ATE1: variants seen among roughly 807,000 people sequenced by gnomAD.
The protein encoded by ATE1 is arginyl-tRNA--protein transferase 1.
Under a neutral mutation model 70.5 loss-of-function variants are expected in ATE1, and 36 were observed. That is an observed-to-expected ratio of 0.51 (90% CI 0.39 to 0.67). The LOEUF is 0.67. Among genes scored for constraint, ATE1 ranks in the 30% least tolerant of loss-of-function variants. The pLI is 0.00. For synonymous variants in ATE1, 232 were observed against 219.3 expected, an observed-to-expected ratio of 1.06 and a Z score of -0.51; for missense variants, 593 against 629.5, an observed-to-expected ratio of 0.94 and a Z score of 0.62.
At chr10:121,861,673 G>A (rs976220701) in intron 8 of ATE1, among the ~76,000 whole-genome samples, 10 of 149,316 alleles carry the variant, frequency 6.7e-5, no homozygotes, top group Non-Finnish European at 1.0e-4. Context: ...TGGGTGCAGC[G>A]CACCAGCATG....
chr10:121,760,998 G>A (rs1945016152), intron 11 of ATE1, among the ~76,000 whole-genome samples: 2 of 152,222 alleles, frequency 1.3e-5, no homozygotes, highest in Admixed American at 1.3e-4. Flanking sequence ...CTCATTAACA[G>A]ATTAATGACC....
At chr10:121,815,643 T>C (rs1947511630) in intron 10 of ATE1, among the ~76,000 whole-genome samples, 1 of 152,206 alleles carries the variant, frequency 6.6e-6, no homozygotes, top group Non-Finnish European at 1.5e-5. Flanking sequence ...GAAACTTCTC[T>C]CTGGTGTGTC....
At chr10:121,779,114 G>A (rs993820717) in intron 11 of ATE1, among the ~76,000 whole-genome samples, 4 of 152,070 alleles carry the variant, frequency 2.6e-5, no homozygotes, top group Admixed American at 6.5e-5. Flanking sequence ...TTCTCATAGA[G>A]ACCTCCAATT....
intron 9 of ATE1, among the ~76,000 whole-genome samples, chr10:121,838,024 C>T (rs1488346633): frequency 6.6e-6 from 1 of 152,072 alleles, no homozygotes; most frequent in African/African-American, 2.4e-5. Flanking sequence ...GTCTTTTGGG[C>T]TTTCTCTCTA....
chr10:121,771,322 G>A (rs1273836230), intron 11 of ATE1, among the ~76,000 whole-genome samples: 2 of 152,154 alleles, frequency 1.3e-5, no homozygotes, highest in Non-Finnish European at 2.9e-5. Flanking sequence ...ACCCGCCTTG[G>A]CCTCCCAAAG....
At chr10:121,918,730 T>C (rs1350194687) in intron 3 of ATE1, among the ~76,000 whole-genome samples, 1 of 149,480 alleles carries the variant, frequency 6.7e-6, no homozygotes, top group Non-Finnish European at 1.5e-5. Flanking sequence ...CTTTGTGTAA[T>C]GACACAGTGT....
At chr10:121,836,505 T>C (rs533049361) in intron 10 of ATE1, among the ~76,000 whole-genome samples, 1 of 152,290 alleles carries the variant, frequency 6.6e-6, no homozygotes, top group East Asian at 1.9e-4. Context: ...TTCTGAAATA[T>C]ACTTAAATCT....
At chr10:121,761,456 T>C (rs1425548408) in intron 11 of ATE1, among the ~76,000 whole-genome samples, 1 of 88,478 alleles carries the variant, frequency 1.1e-5, no homozygotes, top group African/African-American at 3.9e-5. Flanking sequence ...AATTAAGCTA[T>C]GTATGATAGT....
At chr10:121,836,971 T>C (rs150250487) in intron 9 of ATE1, among the ~76,000 whole-genome samples, 154 bp from the exon 10 acceptor site, 2 of 152,316 alleles carry the variant, frequency 1.3e-5, no homozygotes, top group South Asian at 2.1e-4. Context: ...TAAAACACTA[T>C]ACAATTTTTA....
intron 11 of ATE1, among the ~76,000 whole-genome samples, chr10:121,770,233 AACAC>A (rs3036837): frequency 0.023 from 3,109 of 136,892 alleles, 56 homozygotes; most frequent in African/African-American, 0.058. Context: ...ACAAGAGAGA[AACAC>A]ACACACACAC....
intron 8 of ATE1, among the ~76,000 whole-genome samples, chr10:121,865,595 C>T (rs993426720): frequency 6.6e-6 from 1 of 152,136 alleles, no homozygotes; most frequent in Non-Finnish European, 1.5e-5. Context: ...TCTGTAAGGC[C>T]GGGGTCCGGT....
chr10:121,897,697 G>T (rs977816467), intron 7 of ATE1, among the ~76,000 whole-genome samples: 1 of 151,984 alleles, frequency 6.6e-6, no homozygotes, highest in African/African-American at 2.4e-5. Context: ...GTGGTGGCAC[G>T]CGCCTGTAGT....
chr10:121,928,350 A>G (rs1334210705), upstream of ATE1: 5 of 1,529,342 alleles, frequency 3.3e-6, no homozygotes, highest in Non-Finnish European at 4.4e-6. Flanking sequence ...CACTCACCGC[A>G]GGACGCTTTG....
chr10:121,742,025 C>T lies in ATE1; in HGVS notation c.*1655G>A, dbSNP rs774398085. Reference sequence around the variant, plus strand: ...GCTCTATAGATTCTGAAGGCAGTTCCAAGTAAGTCTCTCAAATGCTCTTAC... The same window carrying T: ...GCTCTATAGATTCTGAAGGCAGTTCTAAGTAAGTCTCTCAAATGCTCTTAC... On this transcript the variant is annotated 3_prime_UTR_variant, in exon 12 of 12. Coordinates refer to ENST00000224652, the MANE Select transcript of ATE1 (RefSeq NM_001001976.3). 6.6e-6 allele frequency: 1 copy of T among 152,040 alleles called. No individual in the cohort carries two copies. The highest frequency in any genetic ancestry group is 2.4e-5 in the African/African-American group (1 of 41,426). 9.4% of individuals were successfully genotyped at this position (152,040 alleles called of 1,614,324 possible).
intron 11 of ATE1, among the ~76,000 whole-genome samples, chr10:121,764,621 A>G (rs188113344): frequency 2.6e-5 from 4 of 152,340 alleles, no homozygotes; most frequent in African/African-American, 9.6e-5. Flanking sequence ...CATAAATTGT[A>G]TGTCTAAATA....
At chr10:121,849,320 G>C (rs1247069589) in intron 8 of ATE1, among the ~76,000 whole-genome samples, 1 of 152,044 alleles carries the variant, frequency 6.6e-6, no homozygotes, top group Non-Finnish European at 1.5e-5. Flanking sequence ...GTACCAGCTT[G>C]AAATACTTGT....
chr10:121,758,648 G>T (rs777215822), intron 11 of ATE1, among the ~76,000 whole-genome samples: 12 of 152,196 alleles, frequency 7.9e-5, no homozygotes, highest in South Asian at 6.2e-4. Flanking sequence ...TTGTTTGTTT[G>T]TTTGTTTGTT....
chr10:121,825,806 T>G (rs948826975), intron 10 of ATE1, among the ~76,000 whole-genome samples: 9 of 152,170 alleles, frequency 5.9e-5, no homozygotes, highest in Non-Finnish European at 1.3e-4. Flanking sequence ...GAATTACCTT[T>G]GATTCAGCAA....
At chr10:121,858,727 T>C (rs2086754282) in intron 8 of ATE1, among the ~76,000 whole-genome samples, 2 of 148,438 alleles carry the variant, frequency 1.3e-5, no homozygotes, top group Non-Finnish European at 3.0e-5. Flanking sequence ...TACTACAGAA[T>C]GGCTACATCT....
Sources: gnomAD v4.1 joint callset for allele counts (sites outside exome capture counted in the v4.1 genomes callset) on GRCh38, gnomAD v4.1.1 for gene constraint, MANE v1.5 for transcripts, NCBI Gene and HGNC (gene_info 2026-07-23, HGNC 2026-07-21) for gene names.